The following VPS13A variants were observed in gnomAD, a reference collection of about 807,000 sequenced individuals.
VPS13A encodes the protein vacuolar protein sorting 13 homolog A.
A neutral mutation model predicts 390.9 loss-of-function variants in VPS13A; 264 were observed. The observed-to-expected ratio is 0.68, with a 90% CI of 0.61 to 0.75. The LOEUF (loss-of-function observed/expected upper bound fraction) is 0.75. Ranked by LOEUF, VPS13A falls within the 30% of genes least tolerant of loss-of-function variation. VPS13A has a pLI of 0.00. For synonymous variants in VPS13A, 1,231 were observed against 1,227.1 expected (o/e 1.00, Z -0.07); for missense variants, 3,409 against 3,733.9 (o/e 0.91, Z 2.27).
In VPS13A at chr9:77,314,590, A is replaced by G; in HGVS notation, c.4338A>G (p.Ser1446=). Residue 1446 remains serine (S), a synonymous_variant, in exon 37 of 72, where the codon TCA becomes TCG. Coordinates refer to ENST00000360280, the MANE Select transcript of VPS13A (RefSeq NM_033305.3). ...CTTTAAAAATGTATACAGATGGCTC[A>G]ACATTTTCTTCCTTCTCATTAAAAA... ...ISTLKMYTDG[S]TFSSFSLKNC... is the part of the protein sequence containing the mutation. The G allele has an allele frequency of 6.2e-7, 1 of 1,611,420 alleles. No homozygotes were observed.
chr9:77,301,049 G>A (rs1018214444), intron 33 of VPS13A, among the ~76,000 whole-genome samples: 5 of 152,202 alleles, frequency 3.3e-5, no homozygotes, highest in Admixed American at 6.5e-5. Flanking sequence ...GTGGGAGCAC[G>A]TAGGAAAGGT....
chr9:77,342,913 G>T (rs1257129151), intron 50 of VPS13A, among the ~76,000 whole-genome samples: 1 of 152,190 alleles, frequency 6.6e-6, no homozygotes, highest in African/African-American at 2.4e-5. Context: ...AGGAAACCTT[G>T]AACAAAGTGT....
In VPS13A at chr9:77,351,388, G is replaced by A; in HGVS notation, c.7361G>A (p.Gly2454Asp). 6.2e-7 allele frequency: 1 copy of A among 1,613,960 alleles called. No individual in the cohort carries two copies. The highest frequency in any genetic ancestry group is 1.1e-5 in the South Asian group (1 of 91,084). ...AVFYTWADPV[G>D]SRRLKWRCRK... is the part of the protein sequence containing the mutation. ...TTTTATACATGGGCTGATCCGGTGG[G>A]CTCTAGAAGGCTGAAGTGGAGATGT... is the stretch of plus-strand genomic sequence containing the variant. The change falls in exon 53 of 72, where the codon GGC becomes GAC. Residue 2454 changes from glycine to aspartate, a missense_variant. By Grantham distance (94) the Gly-to-Asp change is moderately conservative (BLOSUM62 -1). Around this residue, in one of 5 missense-constraint regions of VPS13A, gnomAD observed 2,717 missense variants for 2,917.4 expected, o/e 0.93. Transcript: ENST00000360280.
At chr9:77,304,130 A>G (rs1828564874) in intron 34 of VPS13A, among the ~76,000 whole-genome samples, 1 of 152,196 alleles carries the variant, frequency 6.6e-6, no homozygotes, top group Admixed American at 6.5e-5. Flanking sequence ...GGCTTTCCAC[A>G]GTGCATTGTG....
rs769937709 is a variant in VPS13A at position 77,303,096 on chromosome 9, T to G, written c.3960+34T>G. The G allele has an allele frequency of 1.4e-5, 22 of 1,613,104 alleles. 1 individual carries two copies. The Middle Eastern group carries it at 1.2e-3, about 85-fold the overall frequency. On this transcript the variant is annotated intron_variant, in intron 34 of 71. Coordinates refer to ENST00000360280, the MANE Select transcript of VPS13A (RefSeq NM_033305.3). ...TTTTGGATACTTATCAATTTTTGTT[T>G]TGCTTGTTGAAAAATACTGCTTGGG...
Position 77,293,450 on chromosome 9 carries a change from A to G in VPS13A, c.3449A>G (p.Asn1150Ser). 1 of 1,606,278 alleles carries G rather than the reference A, an allele frequency of 6.2e-7. No individual in the cohort carries two copies. The highest frequency in any genetic ancestry group is 8.5e-7 in the Non-Finnish European group (1 of 1,176,438). ...ATGAATGTGGTTGACATTCAGGTTA[A>G]TTTAATAGTTGGTTGCATTGAAGTA... ...TDMNVVDIQVNLIVGCIEVVF... is the reference protein window; with the variant it reads ...TDMNVVDIQVSLIVGCIEVVF... Residue 1150 changes from asparagine to serine, a missense_variant, in exon 32 of 72, where the codon AAT (asparagine) becomes AGT (serine). Transcript: ENST00000360280.
In VPS13A at chr9:77,321,293, A is replaced by G. The variant is rs760714090; in HGVS notation, c.5540A>G (p.Lys1847Arg). The G allele has an allele frequency of 5.6e-6, 9 of 1,609,422 alleles. No homozygotes were observed. The highest frequency in any genetic ancestry group is 1.1e-5 in the South Asian group (1 of 90,680). ...SKDQLNITLS[K>R]CGLVMLNNLV... Reference sequence around the variant, plus strand: ...GACCAATTAAACATTACATTATCCAAATGTGGTCTTGTAATGTTAAACAAT... The same window carrying G: ...GACCAATTAAACATTACATTATCCAGATGTGGTCTTGTAATGTTAAACAAT... Residue 1847 changes from lysine to arginine, a missense_variant, in exon 43 of 72, where the codon AAA becomes AGA. Lys to Arg is a conservative substitution (Grantham distance 26). Around this residue, in one of 5 missense-constraint regions of VPS13A, gnomAD observed 2,717 missense variants for 2,917.4 expected, o/e 0.93. Coordinates refer to ENST00000360280, the MANE Select transcript of VPS13A (RefSeq NM_033305.3).
At chr9:77,206,299 CTTATTA>C (rs141045905) in intron 5 of VPS13A, among the ~76,000 whole-genome samples, 3 of 147,676 alleles carry the variant, frequency 2.0e-5, no homozygotes, top group Non-Finnish European at 3.0e-5. Flanking sequence ...ATATGTCTAG[CTTATTA>C]TTATTATTAG....
At chr9:77,259,354 C>T (rs1026761562) in intron 22 of VPS13A, among the ~76,000 whole-genome samples, 1 of 152,124 alleles carries the variant, frequency 6.6e-6, no homozygotes, top group African/African-American at 2.4e-5. Context: ...CAAAGTTAAA[C>T]TACTACTACG....
chr9:77,188,245 A>G (rs997438393), intron 1 of VPS13A, among the ~76,000 whole-genome samples: 2 of 152,168 alleles, frequency 1.3e-5, no homozygotes, highest in Admixed American at 6.5e-5. Context: ...TTGCAGAACC[A>G]TGAGCCAATT....
intron 22 of VPS13A, among the ~76,000 whole-genome samples, chr9:77,255,305 G>A (rs1045689424): frequency 1.3e-5 from 2 of 152,012 alleles, no homozygotes; most frequent in Non-Finnish European, 2.9e-5. Flanking sequence ...AATGGGGTAT[G>A]TTACCTTAAT....
Position 77,190,534 on chromosome 9 carries a change from C to T in VPS13A, c.101-9411C>T, listed in dbSNP as rs111769743. On this transcript the variant is annotated intron_variant, in intron 1 of 71. Transcript: ENST00000360280. ...AATCAGGGATATAGGCCTGAAGTTT[C>T]CTGTTTTTGTTATGTCTCTGCCAGG... Among the ~76,000 whole-genome samples the T allele has an allele frequency of 1.6e-3, 243 of 152,178 alleles. 1 individual carries two copies. Among genetic ancestry groups the T allele is most frequent in the African/African-American group, 5.3e-3 (219 of 41,534 alleles).
rs1489234853 is a variant in VPS13A, at chr9:77,314,086, C to T, written c.4209C>T (p.Leu1403=). 1.2e-6 allele frequency: 2 copies of T among 1,613,316 alleles called. No individual in the cohort carries two copies. Among genetic ancestry groups the T allele is most frequent in the Admixed American group, 1.7e-5 (1 of 59,984 alleles). ...ACATAAGCTTCAAAACTGATGATCT[C>T]ACCATGGTGCTGTATAGTCCAGGTC... The part of the protein sequence containing the change: ...TLNISFKTDD[L]TMVLYSPGPK... The change falls in exon 36 of 72, where the codon CTC becomes CTT. Residue 1403 remains leucine, a synonymous_variant. Coordinates refer to ENST00000360280, the MANE Select transcript of VPS13A (RefSeq NM_033305.3).
chr9:77,226,084 T>A (rs1823490630), intron 14 of VPS13A, 96 bp downstream of exon 14: 2 of 1,206,152 alleles, frequency 1.7e-6, no homozygotes, highest in Admixed American at 2.2e-5. Flanking sequence ...ACATATTGTT[T>A]CCAAAAAGTG....
intron 68 of VPS13A, among the ~76,000 whole-genome samples, chr9:77,394,765 A>G (rs1031437595): frequency 1.3e-5 from 2 of 152,212 alleles, no homozygotes; most frequent in African/African-American, 4.8e-5. Context: ...TAGCTTCTGC[A>G]TCAGCACTTG....
At chr9:77,295,960 T>G in intron 33 of VPS13A, 114 bp downstream of exon 33, 1 of 1,080,738 alleles carries the variant, frequency 9.3e-7, no homozygotes, top group African/African-American at 1.6e-5. Flanking sequence ...TAATTATACA[T>G]AACTTAGTGA....
intron 67 of VPS13A, among the ~76,000 whole-genome samples, chr9:77,377,161 A>G (rs1587689166): frequency 7.5e-6 from 1 of 133,770 alleles, no homozygotes. Flanking sequence ...TACGAGTCTT[A>G]TACTTCTTTT....
chr9:77,349,738 G>A (rs1401593229), intron 52 of VPS13A, among the ~76,000 whole-genome samples: 6 of 152,020 alleles, frequency 3.9e-5, no homozygotes, highest in Non-Finnish European at 5.9e-5. Flanking sequence ...CTGCCTCCCA[G>A]GTTCAAGCGA....
At chr9:77,410,720 G>A (rs994170678) in intron 71 of VPS13A, among the ~76,000 whole-genome samples, 2 of 152,034 alleles carry the variant, frequency 1.3e-5, no homozygotes, top group African/African-American at 4.8e-5. Context: ...ATGGTAAAGG[G>A]ATCAATTCAA....
Sources: gnomAD v4.1 joint callset for allele counts (sites outside exome capture counted in the v4.1 genomes callset) on GRCh38, gnomAD v4.1.1 for gene constraint, gnomAD v4.1.1 regional missense constraint, MANE v1.5 for transcripts, NCBI Gene and HGNC (gene_info 2026-07-23, HGNC 2026-07-21) for gene names.